The following HINFP variants were observed in gnomAD, a reference collection of about 807,000 sequenced individuals.
HINFP encodes histone H4 transcription factor.
HINFP carries 20 observed loss-of-function variants against 50.1 expected under a neutral mutation model. The observed-to-expected ratio is 0.40, with a 90% CI of 0.28 to 0.58. HINFP has a LOEUF of 0.58. Ranked by LOEUF, HINFP falls within the 20% of genes least tolerant of loss-of-function variation. The probability of loss-of-function intolerance (pLI) is 0.45; values close to 1 mark genes in which losing one functional copy is unlikely to be tolerated. For synonymous variants in HINFP, 247 were observed against 243.7 expected (o/e 1.01, Z -0.13); for missense variants, 505 against 664.1 (o/e 0.76, Z 2.63).
At chr11:119,132,016 C>T (rs375062389) in intron 5 of HINFP, 34 bp downstream of exon 5, 39 of 1,611,608 alleles carry the variant, frequency 2.4e-5, no homozygotes, top group Non-Finnish European at 3.1e-5. Flanking sequence ...TGGATGCAGG[C>T]TGTCCTGCTT....
intron 1 of HINFP, chr11:119,124,665 T>C (rs1357464576): frequency 6.6e-6 from 1 of 152,130 alleles, no homozygotes; most frequent in Non-Finnish European, 1.5e-5. Context: ...ATAACTACAT[T>C]CGTGTGCAGA....
At position 119,131,677 on chromosome 11, in the gene HINFP, GAGGAAACGC is replaced by G. The variant is rs1470053288; in HGVS notation, c.523+32_523+40del. 6.2e-7 allele frequency: 1 copy of G among 1,600,998 alleles called. No individual in the cohort carries two copies. Among genetic ancestry groups the G allele is most frequent in the African/African-American group, 1.3e-5 (1 of 74,606 alleles). On this transcript the variant is annotated intron_variant, in intron 4 of 9. Transcript: ENST00000350777. This position sits in a 1 kb window ranked among gnomAD's most constrained non-coding sequence, Gnocchi z 4.2. ...GCTGCTTCTTAACTTGTGGCTTCTGGAGGAAACGCTGGGGTTCCTGAAGAGCTGGGACAG... is the reference window on the plus strand; with the variant it reads ...GCTGCTTCTTAACTTGTGGCTTCTGGTGGGGTTCCTGAAGAGCTGGGACAG...
chr11:119,131,604 G>A lies in HINFP; in HGVS notation c.481G>A (p.Ala161Thr), dbSNP rs1251339435. The A allele has an allele frequency of 2.5e-6, 4 of 1,614,070 alleles. No homozygotes were observed. The highest frequency in any genetic ancestry group is 2.7e-5 in the African/African-American group (2 of 74,930). Residue 161 changes from alanine (A) to threonine (T), a missense_variant, in exon 4 of 10, where the codon GCA (alanine) becomes ACA (threonine). Transcript: ENST00000350777. The surrounding 1 kb of genome is among the most constrained non-coding windows in gnomAD (Gnocchi z 4.2). ...ACACAGTCTGTGCTGTGAATACGAAGCAGTCGGCAAGGACAACCCGGTGGT... is the reference window on the plus strand; with the variant it reads ...ACACAGTCTGTGCTGTGAATACGAAACAGTCGGCAAGGACAACCCGGTGGT... ...EAHSLCCEYE[A>T]VGKDNPVVLC...
intron 2 of HINFP, among the ~76,000 whole-genome samples, chr11:119,127,716 A>T (rs1040580055): frequency 1.5e-4 from 23 of 151,564 alleles, no homozygotes; most frequent in African/African-American, 4.8e-4. Context: ...TTTTAAAAAA[A>T]TTTTTTTTAG....
chr11:119,126,464 T>C (rs1183629336), intron 1 of HINFP: 1 of 152,424 alleles, frequency 6.6e-6, no homozygotes, highest in African/African-American at 2.4e-5. Context: ...AAGTGTGAAA[T>C]TAAAAACAAA....
In HINFP at chr11:119,126,243, C is replaced by T. The variant is rs552024924; in HGVS notation, c.-10-692C>T. The T allele has an allele frequency of 2.0e-5, 3 of 151,744 alleles. No individual in the cohort carries two copies. In the East Asian group the frequency reaches 5.8e-4, roughly 29 times the overall value. The allele number at this position is 151,744 out of a possible 1,614,324, so 9.4% of individuals were successfully genotyped here. ...TGGTGGCGGGCGCCTGTAATCCCAG[C>T]TACTCAAGAGGCTGAGGCAGGAGAA... On this transcript the variant is annotated intron_variant, in intron 1 of 9. Transcript: ENST00000350777.
At chr11:119,130,572 A>G in intron 2 of HINFP, 153 bp from the exon 3 acceptor site, 1 of 633,760 alleles carries the variant, frequency 1.6e-6, no homozygotes, top group South Asian at 1.9e-5. Context: ...TGGTCATTAA[A>G]TACTGGTATT....
At position 119,131,231 on chromosome 11, in the gene HINFP, G is replaced by A. The variant is rs1428720619; in HGVS notation, c.411+277G>A. 1 of 620,154 alleles carries A rather than the reference G, an allele frequency of 1.6e-6. No individual in the cohort carries two copies. The highest frequency in any genetic ancestry group is 2.3e-5 in the Admixed American group (1 of 43,208). The allele number at this position is 620,154 out of a possible 1,614,324, so 38.4% of individuals were successfully genotyped here. On this transcript the variant is annotated intron_variant, in intron 3 of 9. Coordinates refer to ENST00000350777, the MANE Select transcript of HINFP (RefSeq NM_198971.3). This position sits in a 1 kb window ranked among gnomAD's most constrained non-coding sequence, Gnocchi z 4.2. ...AGCCTCCCAAGTAGCTAGGACTACA[G>A]GCATGTACCACCATGCCCTGCTAAC...
At chr11:119,125,709 A>G (rs904959143) in intron 1 of HINFP, 3 of 152,224 alleles carry the variant, frequency 2.0e-5, no homozygotes, top group Non-Finnish European at 2.9e-5. Flanking sequence ...ATGCCTAAGC[A>G]TGCCTAGCAG....
At chr11:119,128,195 A>G (rs571794400) in intron 2 of HINFP, among the ~76,000 whole-genome samples, 60 of 152,144 alleles carry the variant, frequency 3.9e-4, no homozygotes, top group African/African-American at 1.3e-3. Context: ...TGTTTTAGGT[A>G]TGCCTTTTAT....
At chr11:119,128,104 G>A (rs1026901123) in intron 2 of HINFP, among the ~76,000 whole-genome samples, 13 of 151,784 alleles carry the variant, frequency 8.6e-5, no homozygotes, top group Non-Finnish European at 2.9e-5. Context: ...CGCCCACCTC[G>A]GCCTCCCAAA....
At chr11:119,127,473 G>GTTTTTTTTT (rs57165169) in intron 2 of HINFP, 6 of 68,978 alleles carry the variant, frequency 8.7e-5, no homozygotes, top group African/African-American at 1.6e-4. Flanking sequence ...TTGTTGTTGT[G>GTTTTTTTTT]TTTTTTTTTT....
In HINFP at chr11:119,121,586, C is replaced by T. The variant is rs1484822436; in HGVS notation, c.-64C>T. Reference sequence around the variant, plus strand: ...CCTTGACCGTCCCTCAAGCGCCTCTCCGGAGATGGTCTGAGGTGGGAGAAG... The same window carrying T: ...CCTTGACCGTCCCTCAAGCGCCTCTTCGGAGATGGTCTGAGGTGGGAGAAG... On this transcript the variant is annotated 5_prime_UTR_variant, in exon 1 of 10. Transcript: ENST00000350777. 2 of 152,324 alleles carry T rather than the reference C, an allele frequency of 1.3e-5. No homozygotes were observed. The allele number at this position is 152,324 out of a possible 1,614,324, so 9.4% of individuals were successfully genotyped here. A position where few individuals can be genotyped will look rare whatever the true frequency, so the allele number is the denominator to read the frequency against.
At chr11:119,122,937 A>G (rs1947154839) in intron 1 of HINFP, among the ~76,000 whole-genome samples, 2 of 152,108 alleles carry the variant, frequency 1.3e-5, no homozygotes, top group Non-Finnish European at 2.9e-5. Flanking sequence ...AGCCTGACCA[A>G]CATGGCAAGA....
rs765889765 is a variant in HINFP at position 119,132,798 on chromosome 11, A to G, written c.875+17A>G. 1 of 1,613,674 alleles carries G rather than the reference A, an allele frequency of 6.2e-7. No individual in the cohort carries two copies. Among genetic ancestry groups the G allele is most frequent in the Non-Finnish European group, 8.5e-7 (1 of 1,180,022 alleles). On this transcript the variant is annotated intron_variant, in intron 7 of 9. Transcript: ENST00000350777. ...TGACTACAGGTAAGGGGGACCAGGG[A>G]CCAGAAAACAGCTCATGTTCCAGTG...
intron 9 of HINFP, chr11:119,133,449 CAT>C: frequency 2.1e-6 from 1 of 475,210 alleles, no homozygotes. Flanking sequence ...CATGGTGGCA[CAT>C]GCCTGTAGTC....
chr11:119,123,159 C>T (rs536602926), intron 1 of HINFP, among the ~76,000 whole-genome samples: 136 of 109,502 alleles, frequency 1.2e-3, no homozygotes, highest in African/African-American at 4.1e-3. Flanking sequence ...AAAGAACTTG[C>T]GTAGGCAGAG....
chr11:119,124,910 T>C (rs1339373058), intron 1 of HINFP: 1 of 151,898 alleles, frequency 6.6e-6, no homozygotes, highest in Non-Finnish European at 1.5e-5. Flanking sequence ...AGGTGGAGGT[T>C]GCAGTGAGCT....
chr11:119,124,728 C>T (rs1035739001), intron 1 of HINFP: 1 of 152,138 alleles, frequency 6.6e-6, no homozygotes, highest in East Asian at 1.9e-4. Context: ...AATCCCAGCA[C>T]TCTGGGAGGC....
Sources: allele counts gnomAD v4.1 joint callset (sites outside exome capture counted in the v4.1 genomes callset), GRCh38; gene constraint gnomAD v4.1.1; non-coding constraint Gnocchi (gnomAD v3.1); transcripts MANE v1.5; gene names NCBI Gene and HGNC (gene_info 2026-07-23, HGNC 2026-07-21).